ATPAF1: variants seen among roughly 807,000 people sequenced by gnomAD.
The protein encoded by ATPAF1 is ATP synthase mitochondrial F1 complex assembly factor 1.
Under a neutral mutation model 43.9 loss-of-function variants are expected in ATPAF1, and 26 were observed. That is an observed-to-expected ratio of 0.59 (90% CI 0.43 to 0.82). The LOEUF (loss-of-function observed/expected upper bound fraction) is 0.82. Among genes scored for constraint, ATPAF1 ranks in the 40% least tolerant of loss-of-function variants. The pLI is 0.00. For missense variants in ATPAF1, 366 were observed against 435.0 expected, an observed-to-expected ratio of 0.84 and a Z score of 1.41; for synonymous variants, 157 against 168.0, an observed-to-expected ratio of 0.93 and a Z score of 0.50.
At chr1:46,663,756 T>C in intron 2 of ATPAF1, 1 of 872,474 alleles carries the variant, frequency 1.1e-6, no homozygotes, top group Non-Finnish European at 1.4e-6. Flanking sequence ...GCAAAAAAAG[T>C]ATTTTCCAAG....
intron 1 of ATPAF1, chr1:46,665,614 G>C: frequency 6.7e-7 from 1 of 1,497,628 alleles, no homozygotes; most frequent in African/African-American, 1.4e-5. Context: ...TGTTCCCTAG[G>C]TTTACACAGG....
intron 4 of ATPAF1, among the ~76,000 whole-genome samples, chr1:46,654,449 G>C (rs924540144): frequency 2.0e-5 from 3 of 151,662 alleles, no homozygotes; most frequent in Non-Finnish European, 2.9e-5. Flanking sequence ...AATAATGTTA[G>C]CTTTTGTTAG....
At chr1:46,640,500 C>T (rs977787453) in intron 8 of ATPAF1, among the ~76,000 whole-genome samples, 3 of 152,140 alleles carry the variant, frequency 2.0e-5, no homozygotes, top group African/African-American at 7.2e-5. Flanking sequence ...ATCTCAGCTA[C>T]TCAGGAGGCT....
At chr1:46,665,492 GT>G in intron 1 of ATPAF1, 128 bp from the exon 2 acceptor site, 1 of 1,234,724 alleles carries the variant, frequency 8.1e-7, no homozygotes, top group Non-Finnish European at 1.1e-6. Flanking sequence ...TTTGCCTTCA[GT>G]TAGTAAGAAC....
chr1:46,635,735 G>C (rs879084087), exon 9 of ATPAF1: 2 of 1,571,662 alleles, frequency 1.3e-6, no homozygotes, highest in Non-Finnish European at 1.7e-6. Context: ...CTAGACTATC[G>C]AGGGCTGAGT....
At chr1:46,651,816 A>G (rs368643679) in intron 6 of ATPAF1, among the ~76,000 whole-genome samples, 4 of 152,276 alleles carry the variant, frequency 2.6e-5, no homozygotes, top group African/African-American at 9.6e-5. Flanking sequence ...ATCTACAATG[A>G]ACTCAAACAA....
At chr1:46,640,161 T>G (rs1675924409) in intron 8 of ATPAF1, among the ~76,000 whole-genome samples, 2 of 152,210 alleles carry the variant, frequency 1.3e-5, no homozygotes. Context: ...CATTCCATGG[T>G]CAATAATCAT....
At chr1:46,649,455 C>G (rs1292611661) in intron 6 of ATPAF1, among the ~76,000 whole-genome samples, 1 of 152,182 alleles carries the variant, frequency 6.6e-6, no homozygotes, top group Non-Finnish European at 1.5e-5. Flanking sequence ...GTCTTGAAAT[C>G]AGGAAATGTA....
upstream of ATPAF1, chr1:46,668,373 G>GCCCGCGC: frequency 1.6e-6 from 2 of 1,258,994 alleles, no homozygotes; most frequent in Non-Finnish European, 2.0e-6. The surrounding 1 kb of genome is among the most constrained non-coding windows in gnomAD (Gnocchi z 4.4). Context: ...TCGGCCCGCG[G>GCCCGCGC]CCCGCGCGCC....
At chr1:46,637,189 G>T (rs1407590781) in intron 8 of ATPAF1, among the ~76,000 whole-genome samples, 2 of 152,184 alleles carry the variant, frequency 1.3e-5, no homozygotes, top group Non-Finnish European at 2.9e-5. Context: ...CAATAGCAGA[G>T]AAATGGTGAG....
intron 7 of ATPAF1, among the ~76,000 whole-genome samples, chr1:46,644,870 G>C (rs190324161): frequency 2.0e-5 from 3 of 152,244 alleles, no homozygotes; most frequent in Admixed American, 2.0e-4. Flanking sequence ...CATAACTCAG[G>C]CATGTTTGTT....
At chr1:46,639,769 C>T (rs142837897) in intron 8 of ATPAF1, among the ~76,000 whole-genome samples, 10 of 152,278 alleles carry the variant, frequency 6.6e-5, no homozygotes, top group East Asian at 5.8e-4. Context: ...TACACTACAT[C>T]GGAACCTCAC....
At chr1:46,633,503 G>A (rs1290067003), downstream of ATPAF1, 1 of 335,710 alleles carries the variant, frequency 3.0e-6, no homozygotes, top group Non-Finnish European at 5.7e-6. Flanking sequence ...TATGAACCCA[G>A]ATTCACTTAA....
chr1:46,645,049 A>G (rs1362041244), intron 7 of ATPAF1, 112 bp downstream of exon 7: 7 of 812,196 alleles, frequency 8.6e-6, no homozygotes, highest in African/African-American at 1.7e-5. Flanking sequence ...GCGCCACAAT[A>G]ATAAATGCTG....
In ATPAF1 at chr1:46,649,140, C is replaced by T. The variant is rs182366392; in HGVS notation, c.588+3441G>A. 2.8e-4 allele frequency among the ~76,000 whole-genome samples: 27 copies of T among 94,946 alleles called. No homozygotes were observed. The East Asian group carries it at 7.5e-3, about 26-fold the overall frequency. 62.3% of individuals were successfully genotyped at this position (94,946 alleles called of 152,430 possible). On this transcript the variant is annotated intron_variant, in intron 6 of 8. Transcript: ENST00000574428. Reference sequence around the variant, plus strand: ...TCATACTACATTGCACCCTGGGTGACAAAGCAAGCTCCGTCTCAAAAAAAA... The same window carrying T: ...TCATACTACATTGCACCCTGGGTGATAAAGCAAGCTCCGTCTCAAAAAAAA...
intron 3 of ATPAF1, among the ~76,000 whole-genome samples, chr1:46,658,451 G>A (rs900909538): frequency 5.3e-5 from 8 of 152,170 alleles, no homozygotes; most frequent in Non-Finnish European, 1.2e-4. Flanking sequence ...GAGTCCTGCG[G>A]CACTTTGCAG....
At chr1:46,633,768 T>A (rs753441866), downstream of ATPAF1, 1 of 456,288 alleles carries the variant, frequency 2.2e-6, no homozygotes, top group Non-Finnish European at 4.4e-6. Flanking sequence ...TTTTCCATCA[T>A]TTCCTCACCC....
chr1:46,649,654 T>A (rs1029297687), intron 6 of ATPAF1, among the ~76,000 whole-genome samples: 3 of 152,188 alleles, frequency 2.0e-5, no homozygotes, highest in Non-Finnish European at 4.4e-5. Flanking sequence ...CTAGGCACAG[T>A]GGCTCACACC....
At position 46,643,263 on chromosome 1, in the gene ATPAF1, A is replaced by G. The variant is rs763191064; in HGVS notation, c.723T>C (p.Tyr241=). The change falls in exon 8 of 9, where the codon TAT becomes TAC. Residue 241 remains tyrosine, a synonymous_variant. Transcript: ENST00000574428. ...TTTCTTCCTTAAGTTCAGGATAGTG[A>G]TATAAAATCAGCTGGCTGGCTGCAG... The G allele has an allele frequency of 1.2e-5, 20 of 1,613,858 alleles. No individual in the cohort carries two copies. In the South Asian group the frequency reaches 2.0e-4, roughly 16 times the overall value.
Sources: gnomAD v4.1 joint callset for allele counts (sites outside exome capture counted in the v4.1 genomes callset) on GRCh38, gnomAD v4.1.1 for gene constraint, Gnocchi (gnomAD v3.1) non-coding constraint, MANE v1.5 for transcripts, NCBI Gene and HGNC (gene_info 2026-07-23, HGNC 2026-07-21) for gene names.